The following PLCB1 variants were observed in gnomAD, a reference collection of about 807,000 sequenced individuals.
The protein encoded by PLCB1 is 1-phosphatidylinositol 4,5-bisphosphate phosphodiesterase beta-1.
In PLCB1, 46 loss-of-function variants were observed where a neutral mutation model predicts 161.8. That is an observed-to-expected ratio of 0.28 (90% confidence interval 0.22 to 0.36). PLCB1 has a LOEUF of 0.36. PLCB1 is among the 10% of genes least tolerant of loss of function. The pLI, the probability that PLCB1 is intolerant of heterozygous loss-of-function variation, is 1.00. For synonymous variants in PLCB1, 517 were observed against 503.7 expected (o/e 1.03, Z -0.35); for missense variants, 1,016 against 1,472.5 (o/e 0.69, Z 5.07).
At chr20:8,411,883 T>TATG (rs1979058776) in intron 3 of PLCB1, among the ~76,000 whole-genome samples, 1 of 151,986 alleles carries the variant, frequency 6.6e-6, no homozygotes, top group Non-Finnish European at 1.5e-5. Context: ...ATTAGCCAGG[T>TATG]GTGGTGGCGC....
intron 3 of PLCB1, among the ~76,000 whole-genome samples, chr20:8,627,726 A>G (rs911766995): frequency 9.2e-5 from 14 of 152,244 alleles, no homozygotes; most frequent in African/African-American, 3.4e-4. Context: ...GAAGTTCCCT[A>G]TGTCCAAATC....
intron 10 of PLCB1, among the ~76,000 whole-genome samples, chr20:8,691,292 T>G (rs544994272): frequency 6.6e-6 from 1 of 152,152 alleles, no homozygotes; most frequent in Non-Finnish European, 1.5e-5. Flanking sequence ...AATTGAATCC[T>G]ATTAAATTTT....
At chr20:8,213,793 T>C (rs939538393) in intron 2 of PLCB1, among the ~76,000 whole-genome samples, 6 of 151,860 alleles carry the variant, frequency 4.0e-5, no homozygotes, top group Non-Finnish European at 8.8e-5. Flanking sequence ...AAAAATTAGA[T>C]CTTGCTTATC....
chr20:8,518,235 T>C (rs990171067), intron 3 of PLCB1, among the ~76,000 whole-genome samples: 2 of 152,152 alleles, frequency 1.3e-5, no homozygotes, highest in Non-Finnish European at 2.9e-5. Context: ...TCTCGCTCTG[T>C]CACCCAGGCT....
intron 31 of PLCB1, among the ~76,000 whole-genome samples, chr20:8,878,799 T>G (rs1393391218): frequency 6.7e-6 from 1 of 148,296 alleles, no homozygotes; most frequent in East Asian, 1.9e-4. Context: ...TCAACTTTTA[T>G]TTTAGATTCA....
intron 3 of PLCB1, among the ~76,000 whole-genome samples, chr20:8,584,475 C>CAAACACAG (rs1568517752): frequency 7.8e-6 from 1 of 128,404 alleles, no homozygotes; most frequent in Non-Finnish European, 1.6e-5. Flanking sequence ...CACACATACA[C>CAAACACAG]ACACACAGAC....
rs796318352 is a variant in PLCB1, at chr20:8,541,605, A to AAAGAAAGG, written c.247-86686_247-86685insAAAGGAAG. Among the ~76,000 whole-genome samples the AAAGAAAGG allele has an allele frequency of 5.1e-3, 767 of 149,888 alleles. 5 individuals carry two copies. The highest frequency in any genetic ancestry group is 0.017 in the African/African-American group (686 of 40,550). On this transcript the variant is annotated intron_variant, in intron 3 of 31. Coordinates refer to ENST00000338037, the MANE Select transcript of PLCB1 (RefSeq NM_015192.4). Reference sequence around the variant, plus strand: ...GAAAGAAAGAAAGAAAGAAAGAAAGAAAGGAAGGAAGATAGTAATGAAATG... The same window carrying AAAGAAAGG: ...GAAAGAAAGAAAGAAAGAAAGAAAGAAAGAAAGGAAGGAAGGAAGATAGTAATGAAATG...
chr20:8,677,492 C>G (rs571041803), intron 9 of PLCB1, among the ~76,000 whole-genome samples: 2 of 152,096 alleles, frequency 1.3e-5, no homozygotes, highest in East Asian at 3.9e-4. Flanking sequence ...TTTTTCCAAA[C>G]AAGACAACAG....
intron 2 of PLCB1, among the ~76,000 whole-genome samples, chr20:8,337,419 G>A (rs192044577): frequency 7.1e-4 from 108 of 152,296 alleles, no homozygotes; most frequent in South Asian, 2.1e-3. Flanking sequence ...ATATCAAAAT[G>A]TGAGTTTTTA....
rs145762388 is a variant in PLCB1 at position 8,730,094 on chromosome 20, A to ATTAT, written c.1888+920_1888+921insTTAT. 5.4e-3 allele frequency among the ~76,000 whole-genome samples: 827 copies of ATTAT among 152,090 alleles called. 6 individuals carry two copies. The highest frequency in any genetic ancestry group is 0.019 in the African/African-American group (790 of 41,550). ...GTCAATTTTCTTGTTGATTTATAAC[A>ATTAT]GCACTTTTTATTTAAAGGGTATATT... On this transcript the variant is annotated intron_variant, in intron 18 of 31. Transcript: ENST00000338037.
At chr20:8,275,286 T>TGTGTGTGA (rs773003102) in intron 2 of PLCB1, among the ~76,000 whole-genome samples, 18 of 151,606 alleles carry the variant, frequency 1.2e-4, no homozygotes, top group African/African-American at 3.9e-4. Context: ...TGTGTGTGTG[T>TGTGTGTGA]GAAGCGGCAC....
At chr20:8,323,095 A>C (rs1049654257) in intron 2 of PLCB1, among the ~76,000 whole-genome samples, 4 of 152,184 alleles carry the variant, frequency 2.6e-5, no homozygotes, top group Non-Finnish European at 5.9e-5. Context: ...ACACAGTCCC[A>C]AGAGGGATTT....
chr20:8,225,963 G>A (rs1416867208), intron 2 of PLCB1, among the ~76,000 whole-genome samples: 1 of 152,128 alleles, frequency 6.6e-6, no homozygotes, highest in East Asian at 1.9e-4. Flanking sequence ...TTAAGTTTCT[G>A]CCTTCTTATT....
Position 8,783,114 on chromosome 20 carries a change from A to G in PLCB1, c.3112-5335A>G, listed in dbSNP as rs886227672. Among the ~76,000 whole-genome samples, 3 of 134,528 alleles carry G rather than the reference A, an allele frequency of 2.2e-5. No homozygotes were observed. The Admixed American group carries it at 2.4e-4, about 11-fold the overall frequency. 88.3% of individuals were successfully genotyped at this position (134,528 alleles called of 152,430 possible). On this transcript the variant is annotated intron_variant, in intron 27 of 31. Coordinates refer to ENST00000338037, the MANE Select transcript of PLCB1 (RefSeq NM_015192.4). ...GGAACATTGAGCTGGGAGAGTTATC[A>G]TGAATGGCAAACAAACCAGCAAAAA...
chr20:8,691,499 T>C (rs1600254611), intron 10 of PLCB1, among the ~76,000 whole-genome samples: 3 of 152,134 alleles, frequency 2.0e-5, no homozygotes, highest in South Asian at 2.1e-4. Flanking sequence ...GAATATAAAA[T>C]AAAAGGATCA....
At chr20:8,142,566 A>T (rs2051415202) in intron 1 of PLCB1, among the ~76,000 whole-genome samples, 1 of 152,132 alleles carries the variant, frequency 6.6e-6, no homozygotes, top group Non-Finnish European at 1.5e-5. Context: ...TCATATTCTA[A>T]ATTTTACCAT....
intron 3 of PLCB1, among the ~76,000 whole-genome samples, chr20:8,603,299 C>T (rs1364005676): frequency 1.3e-5 from 2 of 152,074 alleles, no homozygotes; most frequent in African/African-American, 4.8e-5. Flanking sequence ...TATATACATC[C>T]CTCTAAATCT....
At chr20:8,445,304 A>G (rs910012675) in intron 3 of PLCB1, among the ~76,000 whole-genome samples, 23 of 152,190 alleles carry the variant, frequency 1.5e-4, no homozygotes, top group Non-Finnish European at 2.9e-4. Flanking sequence ...TAAATAGGGA[A>G]TCTTTTCCCC....
chr20:8,628,482 A>G (rs376014669), intron 4 of PLCB1, 51 bp downstream of exon 4: 5 of 1,597,194 alleles, frequency 3.1e-6, no homozygotes. Flanking sequence ...TGAATCCTTG[A>G]GCTATCATAC....
Sources: allele counts gnomAD v4.1 joint callset (sites outside exome capture counted in the v4.1 genomes callset), GRCh38; gene constraint gnomAD v4.1.1; transcripts MANE v1.5; gene names NCBI Gene and HGNC (gene_info 2026-07-23, HGNC 2026-07-21).